Variants in TRIM9 observed in about 807,000 individuals in gnomAD.
TRIM9 encodes the protein E3 ubiquitin-protein ligase TRIM9.
A neutral mutation model predicts 78.3 loss-of-function variants in TRIM9; 26 were observed. The observed-to-expected ratio is 0.33, with a 90% CI of 0.24 to 0.46. TRIM9 has a LOEUF of 0.46. Ranked by LOEUF, TRIM9 falls within the 20% of genes least tolerant of loss-of-function variation. TRIM9 has a pLI of 1.00. For missense variants in TRIM9, 787 were observed against 1,036.4 expected (o/e 0.76, Z 3.30); for synonymous variants, 398 against 416.5 (o/e 0.96, Z 0.54).
At chr14:51,041,714 T>C (rs1166643495) in intron 1 of TRIM9, among the ~76,000 whole-genome samples, 1 of 152,378 alleles carries the variant, frequency 6.6e-6, no homozygotes, top group African/African-American at 2.4e-5. Flanking sequence ...TTTACTATTA[T>C]TTCTTCTTCT....
In TRIM9 at chr14:51,094,866, C is replaced by A; in HGVS notation, c.74G>T (p.Cys25Phe). ...SFYREPIILP[C>F]SHNLCQACAR... Reference sequence around the variant, plus strand: ...GCACGCCTGACACAAATTGTGAGAGCAGGGCAGGATGATGGGCTCCCGATA... The same window carrying A: ...GCACGCCTGACACAAATTGTGAGAGAAGGGCAGGATGATGGGCTCCCGATA... Residue 25 changes from cysteine to phenylalanine, a missense_variant, in exon 1 of 13, where the codon TGC (cysteine) becomes TTC (phenylalanine). By Grantham distance (205) the Cys-to-Phe change is radical (BLOSUM62 -2). This residue lies in a region of TRIM9 where 352 missense variants were observed against 472.3 expected (regional missense o/e 0.75). Transcript: ENST00000684578. 6.5e-7 allele frequency: 1 copy of A among 1,529,864 alleles called. No individual in the cohort carries two copies. Among genetic ancestry groups the A allele is most frequent in the Non-Finnish European group, 8.7e-7 (1 of 1,143,852 alleles). 94.8% of individuals were successfully genotyped at this position (1,529,864 alleles called of 1,614,324 possible). A position where few individuals can be genotyped will look rare whatever the true frequency, so the allele number is the denominator to read the frequency against.
rs1173935326 is a variant in TRIM9, at chr14:50,976,769, G to C, written c.*522C>G. ...CATTCTCCCAAAGCTTAGCTCTGCA[G>C]AGCTAACGCTACAGGAGAGGTAAGA... is the stretch of plus-strand genomic sequence containing the variant. On this transcript the variant is annotated 3_prime_UTR_variant, in exon 13 of 13. Transcript: ENST00000684578. 6.5e-6 allele frequency: 1 copy of C among 152,674 alleles called. No homozygotes were observed. The highest frequency in any genetic ancestry group is 1.5e-5 in the Non-Finnish European group (1 of 68,060). 9.5% of individuals were successfully genotyped at this position (152,674 alleles called of 1,614,324 possible).
In TRIM9 at chr14:51,052,841, C is replaced by T. The variant is rs2060541506; in HGVS notation, c.823-27481G>A. Reference sequence around the variant, plus strand: ...GGTGCACTATACGAGCCCCATACCTCATTGCTGCCACTGATGGAGAAAATT... The same window carrying T: ...GGTGCACTATACGAGCCCCATACCTTATTGCTGCCACTGATGGAGAAAATT... On this transcript the variant is annotated intron_variant, in intron 1 of 12. Coordinates refer to ENST00000684578, the MANE Select transcript of TRIM9 (RefSeq NM_001387360.1). 2.0e-5 allele frequency among the ~76,000 whole-genome samples: 3 copies of T among 152,246 alleles called. No individual in the cohort carries two copies. In the South Asian group the frequency reaches 6.2e-4, roughly 32 times the overall value.
chr14:51,026,963 G>A (rs571849781), intron 1 of TRIM9, among the ~76,000 whole-genome samples: 2 of 152,198 alleles, frequency 1.3e-5, no homozygotes, highest in East Asian at 3.9e-4. Flanking sequence ...GCCAGTTACT[G>A]GCTGTTCAAC....
At chr14:51,078,856 T>C (rs1204879358) in intron 1 of TRIM9, among the ~76,000 whole-genome samples, 1 of 152,166 alleles carries the variant, frequency 6.6e-6, no homozygotes, top group Non-Finnish European at 1.5e-5. Flanking sequence ...TAATATTGTA[T>C]TGTATTAGGG....
intron 1 of TRIM9, among the ~76,000 whole-genome samples, chr14:51,081,291 C>A (rs1235437781): frequency 6.6e-6 from 1 of 152,130 alleles, no homozygotes; most frequent in Non-Finnish European, 1.5e-5. Context: ...ATCAAAACCA[C>A]AAGACTTCAC....
intron 8 of TRIM9, among the ~76,000 whole-genome samples, chr14:50,985,398 C>T (rs572032042): frequency 5.9e-5 from 9 of 152,308 alleles, no homozygotes; most frequent in African/African-American, 2.2e-4. Flanking sequence ...CAGGCTTTTG[C>T]AGAAAATGCT....
chr14:50,981,516 G>A (rs150968752), intron 11 of TRIM9, among the ~76,000 whole-genome samples: 1 of 152,254 alleles, frequency 6.6e-6, no homozygotes, highest in African/African-American at 2.4e-5. Flanking sequence ...TCAGCATCCT[G>A]GATTGTTTTC....
In TRIM9 at chr14:51,009,216, T is replaced by C; in HGVS notation, c.1170A>G (p.Ile390Met). 1.2e-6 allele frequency: 2 copies of C among 1,614,016 alleles called. No individual in the cohort carries two copies. Among genetic ancestry groups the C allele is most frequent in the Non-Finnish European group, 1.7e-6 (2 of 1,179,922 alleles). Residue 390 changes from isoleucine (I) to methionine (M), a missense_variant, in exon 5 of 13, where the codon ATA becomes ATG. This residue lies in a region of TRIM9 where 421 missense variants were observed against 514.3 expected (regional missense o/e 0.82). Coordinates refer to ENST00000684578, the MANE Select transcript of TRIM9 (RefSeq NM_001387360.1). The part of the protein sequence containing the change: ...SGFLQISDAL[I>M]RRVHLTEDQW... The stretch of plus-strand genomic sequence containing the variant: ...GATCCTCAGTCAGGTGCACTCTTCT[T>C]ATGAGGGCGTCAGAAATCTAATCAG...
intron 3 of TRIM9, among the ~76,000 whole-genome samples, chr14:51,019,300 C>T (rs2057520958): frequency 6.6e-6 from 1 of 152,210 alleles, no homozygotes; most frequent in South Asian, 2.1e-4. Flanking sequence ...ACACTTCTTC[C>T]CTCAGTAGCT....
intron 3 of TRIM9, among the ~76,000 whole-genome samples, chr14:51,010,860 A>G (rs1566575393): frequency 6.6e-6 from 1 of 152,140 alleles, no homozygotes; most frequent in Non-Finnish European, 1.5e-5. Context: ...GAGGAGCTAT[A>G]GTTCCCCAAG....
chr14:51,010,341 A>G (rs1379932663), intron 4 of TRIM9, 43 bp downstream of exon 4: 1 of 1,510,418 alleles, frequency 6.6e-7, no homozygotes, highest in Non-Finnish European at 9.2e-7. Flanking sequence ...ACTATGTCCT[A>G]TGGGACATTT....
chr14:51,005,626 A>G (rs754916397), intron 5 of TRIM9, among the ~76,000 whole-genome samples: 4 of 152,222 alleles, frequency 2.6e-5, no homozygotes, highest in Non-Finnish European at 5.9e-5. Flanking sequence ...AAAAGAGCTG[A>G]TCATACAACC....
At chr14:51,013,023 A>C (rs1374908082) in intron 3 of TRIM9, among the ~76,000 whole-genome samples, 1 of 152,226 alleles carries the variant, frequency 6.6e-6, no homozygotes, top group Non-Finnish European at 1.5e-5. Flanking sequence ...CCTTTGAGAC[A>C]CAACTATTTC....
chr14:51,081,701 C>A (rs1019962771), intron 1 of TRIM9, among the ~76,000 whole-genome samples: 5 of 152,184 alleles, frequency 3.3e-5, no homozygotes, highest in Non-Finnish European at 5.9e-5. Context: ...TTGGATCATC[C>A]CCTTCTCACG....
chr14:51,026,570 C>T (rs903456217), intron 1 of TRIM9, among the ~76,000 whole-genome samples: 22 of 152,132 alleles, frequency 1.4e-4, no homozygotes, highest in African/African-American at 5.3e-4. Flanking sequence ...ATTCTCCTTG[C>T]CAACACAATG....
chr14:51,027,705 T>C (rs2058375845), intron 1 of TRIM9, among the ~76,000 whole-genome samples: 1 of 152,168 alleles, frequency 6.6e-6, no homozygotes, highest in African/African-American at 2.4e-5. Context: ...TTCTCCTCAA[T>C]AACTATTAAT....
chr14:51,015,073 TC>T (rs1220396938), intron 3 of TRIM9, among the ~76,000 whole-genome samples: 6 of 152,224 alleles, frequency 3.9e-5, no homozygotes, highest in African/African-American at 1.4e-4. Flanking sequence ...ATGGCAAGTG[TC>T]TATTGATCAT....
chr14:51,056,661 C>A (rs1404967937), intron 1 of TRIM9, among the ~76,000 whole-genome samples: 2 of 152,252 alleles, frequency 1.3e-5, no homozygotes, highest in Non-Finnish European at 2.9e-5. Flanking sequence ...AGCAAATCAT[C>A]TAAGAAAACT....
Sources: gnomAD v4.1 joint callset for allele counts (sites outside exome capture counted in the v4.1 genomes callset) on GRCh38, gnomAD v4.1.1 for gene constraint, gnomAD v4.1.1 regional missense constraint, MANE v1.5 for transcripts, NCBI Gene and HGNC (gene_info 2026-07-23, HGNC 2026-07-21) for gene names.